Variants in NALF1 observed in about 807,000 individuals in gnomAD.
NALF1 encodes NALCN channel auxiliary factor 1.
In NALF1, 3 loss-of-function variants were observed where a neutral mutation model predicts 48.4. The observed-to-expected ratio is 0.06, with a 90% CI of 0.03 to 0.16. The LOEUF is 0.16. Among genes scored for constraint, NALF1 ranks in the 10% least tolerant of loss-of-function variants. The pLI, the probability that NALF1 is intolerant of heterozygous loss-of-function variation, is 1.00. For synonymous variants in NALF1, 262 were observed against 245.7 expected (o/e 1.07, Z -0.62); for missense variants, 526 against 571.5 (o/e 0.92, Z 0.81).
chr13:107,447,062 A>G (rs1884662502), intron 1 of NALF1, among the ~76,000 whole-genome samples: 1 of 152,142 alleles, frequency 6.6e-6, no homozygotes, highest in Non-Finnish European at 1.5e-5. Flanking sequence ...TTTGCATTTG[A>G]AAAAGTGTTT....
intron 1 of NALF1, among the ~76,000 whole-genome samples, chr13:107,309,455 GGC>G (rs1882002484): frequency 6.6e-6 from 1 of 152,110 alleles, no homozygotes; most frequent in Non-Finnish European, 1.5e-5. Context: ...AAAGTCCTGA[GGC>G]AAATAAGAAT....
chr13:107,503,278 T>C (rs1214056446), intron 1 of NALF1, among the ~76,000 whole-genome samples: 1 of 142,482 alleles, frequency 7.0e-6, no homozygotes, highest in Non-Finnish European at 1.6e-5. Flanking sequence ...TACTGCTTAA[T>C]AATGTAAGTT....
chr13:107,863,038 T>C (rs1880617768), intron 1 of NALF1, among the ~76,000 whole-genome samples: 4 of 151,084 alleles, frequency 2.6e-5, no homozygotes, highest in Admixed American at 6.6e-5. Context: ...ATTTATAAAT[T>C]ATAAATTAAA....
chr13:107,230,624 T>C (rs910615246), intron 1 of NALF1, among the ~76,000 whole-genome samples: 1 of 152,044 alleles, frequency 6.6e-6, no homozygotes, highest in African/African-American at 2.4e-5. Flanking sequence ...CTAGTAGGTA[T>C]TGTGAGAAAT....
At chr13:107,623,241 C>T (rs966818145) in intron 1 of NALF1, among the ~76,000 whole-genome samples, 3 of 152,092 alleles carry the variant, frequency 2.0e-5, no homozygotes, top group African/African-American at 4.8e-5. Context: ...GTTTAGAAAT[C>T]TTCTACTGTT....
chr13:107,842,285 A>G (rs1212628171), intron 1 of NALF1, among the ~76,000 whole-genome samples: 6 of 152,038 alleles, frequency 3.9e-5, no homozygotes, highest in African/African-American at 1.4e-4. Flanking sequence ...TATAGATGAA[A>G]CAATCAAAAC....
intron 1 of NALF1, among the ~76,000 whole-genome samples, chr13:107,290,198 A>AAG (rs1555330705): frequency 6.7e-6 from 1 of 149,004 alleles, no homozygotes; most frequent in Non-Finnish European, 1.5e-5. Flanking sequence ...AAAAAAAAAA[A>AAG]CCAGAAATAC....
At chr13:107,482,756 C>T (rs760211353) in intron 1 of NALF1, among the ~76,000 whole-genome samples, 1 of 152,158 alleles carries the variant, frequency 6.6e-6, no homozygotes, top group East Asian at 1.9e-4. Flanking sequence ...AGAAGGGAAA[C>T]TGTGAGGCTT....
chr13:107,340,940 G>T (rs1171605749), intron 1 of NALF1, among the ~76,000 whole-genome samples: 4 of 152,120 alleles, frequency 2.6e-5, no homozygotes. Context: ...TGAGAAGTTT[G>T]AATCTGCAGA....
chr13:107,321,545 T>G (rs964091656), intron 1 of NALF1, among the ~76,000 whole-genome samples: 1 of 152,114 alleles, frequency 6.6e-6, no homozygotes, highest in Non-Finnish European at 1.5e-5. Context: ...GATTAAGATA[T>G]TTGCCATTTT....
At chr13:107,418,691 T>C (rs1884135101) in intron 1 of NALF1, among the ~76,000 whole-genome samples, 1 of 152,064 alleles carries the variant, frequency 6.6e-6, no homozygotes, top group Non-Finnish European at 1.5e-5. Flanking sequence ...TTTTCAACCC[T>C]CACTCCTCTC....
intron 1 of NALF1, among the ~76,000 whole-genome samples, chr13:107,687,248 G>A (rs151051075): frequency 1.2e-4 from 18 of 152,040 alleles, no homozygotes; most frequent in South Asian, 2.1e-4. Context: ...GCTCAAGAGT[G>A]GGCACACATG....
intron 1 of NALF1, chr13:107,466,333 G>A (rs1052079465): frequency 3.9e-5 from 6 of 152,200 alleles, no homozygotes; most frequent in African/African-American, 1.4e-4. Flanking sequence ...TAATTCTATT[G>A]CATATCAGTG....
chr13:107,831,660 A>T (rs1369447108), intron 1 of NALF1, among the ~76,000 whole-genome samples: 4 of 152,188 alleles, frequency 2.6e-5, no homozygotes, highest in Non-Finnish European at 5.9e-5. Context: ...GTGATTATAT[A>T]ATGATGAGGT....
intron 1 of NALF1, among the ~76,000 whole-genome samples, chr13:107,381,588 T>A (rs1883441258): frequency 6.6e-6 from 1 of 150,778 alleles, no homozygotes; most frequent in African/African-American, 2.4e-5. Context: ...CCACTCTTCC[T>A]AAAGAGACCA....
At chr13:107,539,726 G>A (rs3848032) in intron 1 of NALF1, among the ~76,000 whole-genome samples, 6,966 of 152,078 alleles carry the variant, frequency 0.046, 522 homozygotes, top group East Asian at 0.35. Flanking sequence ...TTACTGACTT[G>A]CAATGGCTCT....
chr13:107,720,862 G>A (rs116979261), intron 1 of NALF1, among the ~76,000 whole-genome samples: 3 of 152,118 alleles, frequency 2.0e-5, no homozygotes, highest in African/African-American at 7.2e-5. Flanking sequence ...TACGCCAAAG[G>A]TTGCATATAT....
At chr13:107,587,765 T>G (rs913044941) in intron 1 of NALF1, among the ~76,000 whole-genome samples, 1 of 152,126 alleles carries the variant, frequency 6.6e-6, no homozygotes, top group African/African-American at 2.4e-5. Context: ...AACTTATTAT[T>G]TTTTTATTAG....
At chr13:107,761,757 C>T (rs1310837817) in intron 1 of NALF1, among the ~76,000 whole-genome samples, 1 of 152,176 alleles carries the variant, frequency 6.6e-6, no homozygotes, top group Non-Finnish European at 1.5e-5. Flanking sequence ...CATAACAGGA[C>T]TTCATATTCA....
Sources: allele counts gnomAD v4.1 joint callset (sites outside exome capture counted in the v4.1 genomes callset), GRCh38; gene constraint gnomAD v4.1.1; transcripts MANE v1.5; gene names NCBI Gene and HGNC (gene_info 2026-07-23, HGNC 2026-07-21).